Variants in EPHA7 observed in about 807,000 individuals in gnomAD.
EPHA7 encodes ephrin type-A receptor 7.
Under a neutral mutation model 112.6 loss-of-function variants are expected in EPHA7, and 25 were observed. The observed-to-expected ratio is 0.22, with a 90% CI of 0.16 to 0.31. The LOEUF is 0.31. EPHA7 is among the 10% of genes least tolerant of loss of function. The pLI is 1.00. For missense variants in EPHA7, 962 were observed against 1,212.6 expected, an observed-to-expected ratio of 0.79 and a Z score of 3.07; for synonymous variants, 437 against 406.5, an observed-to-expected ratio of 1.07 and a Z score of -0.90.
Position 93,269,513 on chromosome 6 carries a change from C to G in EPHA7, c.1597G>C (p.Ala533Pro), listed in dbSNP as rs1771106437. The G allele has an allele frequency of 6.2e-6, 10 of 1,611,138 alleles. No homozygotes were observed. Among genetic ancestry groups the G allele is most frequent in the Non-Finnish European group, 8.5e-6 (10 of 1,178,190 alleles). The change falls in exon 7 of 17, where the codon GCT becomes CCT. Residue 533 changes from alanine to proline, a missense_variant. This residue lies in a region of EPHA7 where 746 missense variants were observed against 889.2 expected (regional missense o/e 0.84). Coordinates refer to ENST00000369303, the MANE Select transcript of EPHA7 (RefSeq NM_004440.4). ...TTACCTGTAGCTTCCTCTAGTGTAG[C>G]AACATCAAGTCTGGGACTGTAATTT... ...YGNYSPRLDV[A>P]TLEEATGKMF...
rs779416238 is a variant in EPHA7 at position 93,272,377 on chromosome 6, C to A, written c.1370G>T (p.Arg457Leu). The A allele has an allele frequency of 1.2e-6, 2 of 1,612,002 alleles. No individual in the cohort carries two copies. Among genetic ancestry groups the A allele is most frequent in the African/African-American group, 1.3e-5 (1 of 74,726 alleles). Residue 457 changes from arginine (R) to leucine (L), a missense_variant, in exon 6 of 17, where the codon CGG becomes CTG. By Grantham distance (102) the Arg-to-Leu change is moderately radical. This residue lies in a region of EPHA7 where 746 missense variants were observed against 889.2 expected (regional missense o/e 0.84). Coordinates refer to ENST00000369303, the MANE Select transcript of EPHA7 (RefSeq NM_004440.4). ...TTCCTGCCAGGAAAGCTCGACACTC[C>A]GCTGCAGTACTCTCTCCTTCATTAC... ...SGVMKERVLQ[R>L]SVELSWQEPE...
At chr6:93,300,902 T>A (rs1772945853) in intron 5 of EPHA7, among the ~76,000 whole-genome samples, 1 of 152,174 alleles carries the variant, frequency 6.6e-6, no homozygotes, top group African/African-American at 2.4e-5. Context: ...ACTACACACC[T>A]AGGCTATGAG....
chr6:93,342,446 A>C (rs1775186842), intron 5 of EPHA7, among the ~76,000 whole-genome samples: 1 of 151,838 alleles, frequency 6.6e-6, no homozygotes, highest in Admixed American at 6.6e-5. Context: ...CTCATACTAT[A>C]ATGGAGATTG....
At chr6:93,371,423 C>T (rs1776791067) in intron 3 of EPHA7, among the ~76,000 whole-genome samples, 1 of 152,058 alleles carries the variant, frequency 6.6e-6, no homozygotes, top group Admixed American at 6.5e-5. Flanking sequence ...TATGCAAATA[C>T]TATATATGCC....
At chr6:93,325,497 G>C (rs1774275237) in intron 5 of EPHA7, among the ~76,000 whole-genome samples, 2 of 151,200 alleles carry the variant, frequency 1.3e-5, no homozygotes, top group South Asian at 2.1e-4. Flanking sequence ...GTTTAAAATA[G>C]TAAAATTTAA....
intron 5 of EPHA7, among the ~76,000 whole-genome samples, chr6:93,317,701 C>T (rs1003902644): frequency 6.6e-6 from 1 of 152,064 alleles, no homozygotes; most frequent in South Asian, 2.1e-4. Context: ...TAAGTTGTAT[C>T]CTCCCTCCAT....
chr6:93,261,308 A>C (rs926864784), intron 9 of EPHA7, among the ~76,000 whole-genome samples: 2 of 151,586 alleles, frequency 1.3e-5, no homozygotes, highest in African/African-American at 4.8e-5. Context: ...AAAGCTAGTT[A>C]AATGGTTGCT....
chr6:93,405,805 GTGTGTGTGTATATA>G (rs1203252795), intron 3 of EPHA7, among the ~76,000 whole-genome samples: 5 of 64,468 alleles, frequency 7.8e-5, no homozygotes, highest in African/African-American at 3.5e-4. Context: ...GTGTGTGTGT[GTGTGTGTGTATATA>G]TATATATATA....
intron 3 of EPHA7, among the ~76,000 whole-genome samples, chr6:93,408,874 A>C (rs2127993273): frequency 6.6e-6 from 1 of 152,284 alleles, no homozygotes; most frequent in South Asian, 2.1e-4. Flanking sequence ...GAAACAGCTG[A>C]AATTTTAACA....
chr6:93,345,865 C>T (rs1240812523), intron 5 of EPHA7, among the ~76,000 whole-genome samples: 1 of 151,518 alleles, frequency 6.6e-6, no homozygotes, highest in African/African-American at 2.4e-5. Context: ...TTTTGGATGG[C>T]TCTGCATCAT....
At chr6:93,365,818 G>A (rs1776479208) in intron 3 of EPHA7, among the ~76,000 whole-genome samples, 1 of 152,212 alleles carries the variant, frequency 6.6e-6, no homozygotes, top group South Asian at 2.1e-4. Context: ...ATAACATGGG[G>A]ATTTTTAAAA....
intron 3 of EPHA7, among the ~76,000 whole-genome samples, chr6:93,359,413 A>G (rs983719041): frequency 2.0e-5 from 3 of 151,008 alleles, no homozygotes; most frequent in Admixed American, 2.0e-4. Flanking sequence ...CTTCATATTT[A>G]TTAAATAAAC....
intron 1 of EPHA7, among the ~76,000 whole-genome samples, chr6:93,416,277 A>T (rs573146469): frequency 1.3e-5 from 2 of 152,350 alleles, no homozygotes; most frequent in African/African-American, 4.8e-5. Context: ...AAGCACAGGG[A>T]AACAAGGTGG....
chr6:93,329,069 A>C lies in EPHA7; in HGVS notation c.1324+27648T>G, dbSNP rs148332396. Among the ~76,000 whole-genome samples the C allele has an allele frequency of 4.9e-3, 748 of 151,516 alleles. 9 individuals are homozygous for C. Among genetic ancestry groups the C allele is most frequent in the African/African-American group, 0.017 (721 of 41,476 alleles). On this transcript the variant is annotated intron_variant, in intron 5 of 16. Coordinates refer to ENST00000369303, the MANE Select transcript of EPHA7 (RefSeq NM_004440.4). ...ACACAAATAACTAACTCTTCAGGGA[A>C]CTAAAGTGAATAAAGTGATGTAGGG...
chr6:93,325,263 AT>A (rs1382222299), intron 5 of EPHA7, among the ~76,000 whole-genome samples: 1 of 151,546 alleles, frequency 6.6e-6, no homozygotes, highest in Admixed American at 6.6e-5. Flanking sequence ...TTTCTATATT[AT>A]AGAAACTTCA....
At chr6:93,387,976 T>A (rs976810563) in intron 3 of EPHA7, among the ~76,000 whole-genome samples, 12 of 149,838 alleles carry the variant, frequency 8.0e-5, no homozygotes, top group Admixed American at 3.3e-4. Flanking sequence ...GATAGATAGA[T>A]AGAATAGATA....
intron 5 of EPHA7, among the ~76,000 whole-genome samples, chr6:93,314,848 A>G (rs1448965005): frequency 3.3e-5 from 5 of 150,096 alleles, no homozygotes; most frequent in African/African-American, 9.8e-5. Flanking sequence ...AAGACTGACA[A>G]TATAATTTTC....
intron 5 of EPHA7, among the ~76,000 whole-genome samples, chr6:93,273,003 G>A (rs1270723117): frequency 2.0e-5 from 3 of 151,874 alleles, no homozygotes; most frequent in African/African-American, 7.2e-5. Context: ...AAGGCTGCCT[G>A]CTACTTAAAT....
chr6:93,245,210 CT>C, intron 16 of EPHA7, 87 bp downstream of exon 16: 1 of 1,245,500 alleles, frequency 8.0e-7, no homozygotes, highest in Non-Finnish European at 1.1e-6. Context: ...GATTCAAATT[CT>C]TTTAATATAA....
Sources: gnomAD v4.1 joint callset for allele counts (sites outside exome capture counted in the v4.1 genomes callset) on GRCh38, gnomAD v4.1.1 for gene constraint, gnomAD v4.1.1 regional missense constraint, MANE v1.5 for transcripts, NCBI Gene and HGNC (gene_info 2026-07-23, HGNC 2026-07-21) for gene names.